Variants in TNFRSF8 observed in about 807,000 individuals in gnomAD.
TNFRSF8 encodes TNF receptor superfamily member 8.
In TNFRSF8, 26 loss-of-function variants were observed where a neutral mutation model predicts 70.8. The observed-to-expected ratio is 0.37, with a 90% confidence interval of 0.27 to 0.51. The LOEUF (loss-of-function observed/expected upper bound fraction) is 0.51. TNFRSF8 is among the 20% of genes least tolerant of loss of function. TNFRSF8 has a pLI of 0.94. For synonymous variants in TNFRSF8, 356 were observed against 339.2 expected (o/e 1.05, Z -0.54); for missense variants, 720 against 807.9 (o/e 0.89, Z 1.32).
In TNFRSF8 at chr1:12,088,008, ATC is replaced by A. The variant is rs1230272498; in HGVS notation, c.151+3462_151+3463del. Among the ~76,000 whole-genome samples, 2 of 151,682 alleles carry A rather than the reference ATC, an allele frequency of 1.3e-5. No individual in the cohort carries two copies. Among genetic ancestry groups the A allele is most frequent in the African/African-American group, 4.8e-5 (2 of 41,268 alleles). On this transcript the variant is annotated intron_variant, in intron 2 of 14. Transcript: ENST00000263932. This position sits in a 1 kb window ranked among gnomAD's most constrained non-coding sequence, Gnocchi z 4.0. The stretch of plus-strand genomic sequence containing the variant: ...AAAACCCACAAAAACCCCTTCTTTG[ATC>A]TCTCGGGGAAATTTCTTGACATTTT...
rs143067825 is a variant in TNFRSF8, at chr1:12,112,026, G to A, written c.793+12G>A. On this transcript the variant is annotated intron_variant, in intron 7 of 14. Transcript: ENST00000263932. This position sits in a 1 kb window ranked among gnomAD's most constrained non-coding sequence, Gnocchi z 5.3. ...GAGCTGTTCTCGAGGTAAGGGCCTC[G>A]TCCCTCCCCGGGCCTCAGTTTACCT... 1.1e-3 allele frequency: 1,835 copies of A among 1,603,878 alleles called. 3 individuals carry two copies. The highest frequency in any genetic ancestry group is 1.4e-3 in the Non-Finnish European group (1,646 of 1,171,284).
chr1:12,140,578 C>A (rs567790783), intron 14 of TNFRSF8, among the ~76,000 whole-genome samples: 1 of 152,168 alleles, frequency 6.6e-6, no homozygotes, highest in Non-Finnish European at 1.5e-5. Context: ...AGAGCCAGAG[C>A]GGGGCAGACC....
chr1:12,080,243 C>T, intron 1 of TNFRSF8: 2 of 519,166 alleles, frequency 3.9e-6, no homozygotes, highest in Non-Finnish European at 7.7e-6. Flanking sequence ...GCCACCGTGC[C>T]CAGCCAAGAT....
rs1642260851 is a variant in TNFRSF8, at chr1:12,141,934, C to T, written c.1544-353C>T. Among the ~76,000 whole-genome samples, 2 of 152,174 alleles carry T rather than the reference C, an allele frequency of 1.3e-5. No individual in the cohort carries two copies. The highest frequency in any genetic ancestry group is 4.1e-4 in the South Asian group (2 of 4,826). On this transcript the variant is annotated intron_variant, in intron 14 of 14. Transcript: ENST00000263932. This position sits in a 1 kb window ranked among gnomAD's most constrained non-coding sequence, Gnocchi z 5.4. The stretch of plus-strand genomic sequence containing the variant: ...CAGGAGTGGGGGTGTGGAAACTGCT[C>T]AGCTCTGCTGTTTCTGCTCGTGCTC...
At chr1:12,115,776 C>T (rs371950593) in intron 8 of TNFRSF8, 47 bp downstream of exon 8, 14 of 1,596,300 alleles carry the variant, frequency 8.8e-6, no homozygotes, top group African/African-American at 4.0e-5. Context: ...GGAGTCTGTG[C>T]CCCCACTGTT....
At chr1:12,097,068 C>T in intron 2 of TNFRSF8, 33 bp from the exon 3 acceptor site, 1 of 1,584,574 alleles carries the variant, frequency 6.3e-7, no homozygotes, top group Non-Finnish European at 8.7e-7. Context: ...GCTAAGTCAG[C>T]CTGGCTTGGA....
chr1:12,126,175 C>G lies in TNFRSF8; in HGVS notation c.1256-8C>G. 1 of 1,614,122 alleles carries G rather than the reference C, an allele frequency of 6.2e-7. No homozygotes were observed. The highest frequency in any genetic ancestry group is 2.2e-5 in the East Asian group (1 of 44,874). On this transcript the variant is annotated splice_region_variant and splice_polypyrimidine_tract_variant and intron_variant, in intron 11 of 14. Transcript: ENST00000263932. ...CCACCCCCAGCCTTCCTCCTGGTGT[C>G]GTTTCAGAGCTCCACCTGTGCTACC... is the stretch of plus-strand genomic sequence containing the variant.
At chr1:12,089,201 GGT>G (rs1171265390) in intron 2 of TNFRSF8, among the ~76,000 whole-genome samples, 2 of 152,164 alleles carry the variant, frequency 1.3e-5, no homozygotes, top group Non-Finnish European at 2.9e-5. Flanking sequence ...TGCCTCCCAT[GGT>G]TCCACTTTCC....
At chr1:12,081,688 C>T (rs1641065612) in intron 1 of TNFRSF8, among the ~76,000 whole-genome samples, 2 of 152,164 alleles carry the variant, frequency 1.3e-5, no homozygotes, top group South Asian at 2.1e-4. Flanking sequence ...TAACCAACAC[C>T]CCATTTATCC....
rs752861617 is a variant in TNFRSF8, at chr1:12,138,320, G to A, written c.1427G>A (p.Gly476Glu). ...CTGATGGAGACCTGCCACAGCGTGG[G>A]GGCAGCCTACCTGGAGAGCCTGCCG... ...QPLMETCHSV[G>E]AAYLESLPLQ... is the part of the protein sequence containing the mutation. Residue 476 changes from glycine (G) to glutamate (E), a missense_variant, in exon 14 of 15, where the codon GGG becomes GAG. Coordinates refer to ENST00000263932, the MANE Select transcript of TNFRSF8 (RefSeq NM_001243.5). The surrounding 1 kb of genome is among the most constrained non-coding windows in gnomAD (Gnocchi z 5.7). The A allele has an allele frequency of 9.3e-6, 15 of 1,613,672 alleles. No individual in the cohort carries two copies. Among genetic ancestry groups the A allele is most frequent in the East Asian group, 2.2e-5 (1 of 44,874 alleles).
At chr1:12,131,651 G>A (rs1163793445) in intron 12 of TNFRSF8, among the ~76,000 whole-genome samples, 1 of 151,954 alleles carries the variant, frequency 6.6e-6, no homozygotes, top group Non-Finnish European at 1.5e-5. Context: ...ACACCACCAC[G>A]CCCAGCTAAC....
Position 12,063,585 on chromosome 1 carries a change from G to C in TNFRSF8, c.-14G>C. The C allele has an allele frequency of 7.6e-7, 1 of 1,311,094 alleles. No individual in the cohort carries two copies. Among genetic ancestry groups the C allele is most frequent in the South Asian group, 2.2e-5 (1 of 46,064 alleles). 81.2% of individuals were successfully genotyped at this position (1,311,094 alleles called of 1,614,324 possible). A position where few individuals can be genotyped will look rare whatever the true frequency, so the allele number is the denominator to read the frequency against. On this transcript the variant is annotated 5_prime_UTR_variant, in exon 1 of 15. Transcript: ENST00000263932. This position sits in a 1 kb window ranked among gnomAD's most constrained non-coding sequence, Gnocchi z 7.2. ...GGCGCCGGCCGCCAGGCCACCTCAC[G>C]TCCGGCCCCGGGGATGCGCGTCCTC...
At chr1:12,089,533 A>T (rs147014672) in intron 2 of TNFRSF8, among the ~76,000 whole-genome samples, 266 of 152,258 alleles carry the variant, frequency 1.7e-3, no homozygotes, top group African/African-American at 5.8e-3. Context: ...AGGAGGAAGT[A>T]TGTGGGCGTG....
At chr1:12,136,519 C>T (rs1303986701) in intron 13 of TNFRSF8, among the ~76,000 whole-genome samples, 1 of 151,996 alleles carries the variant, frequency 6.6e-6, no homozygotes, top group Non-Finnish European at 1.5e-5. Context: ...TGTAGTGGCA[C>T]ACGCCTGTAG....
At chr1:12,102,009 G>A (rs754757636) in intron 3 of TNFRSF8, among the ~76,000 whole-genome samples, 2 of 152,096 alleles carry the variant, frequency 1.3e-5, no homozygotes, top group African/African-American at 2.4e-5. Context: ...CATCATGTAC[G>A]CCATCCATTG....
intron 1 of TNFRSF8, among the ~76,000 whole-genome samples, chr1:12,082,188 CT>C (rs1396716292): frequency 6.6e-6 from 1 of 152,184 alleles, no homozygotes; most frequent in African/African-American, 2.4e-5. Flanking sequence ...CTCTTGAATC[CT>C]TTCTTATGAT....
At chr1:12,115,987 C>T (rs1641721927) in intron 8 of TNFRSF8, among the ~76,000 whole-genome samples, 1 of 152,070 alleles carries the variant, frequency 6.6e-6, no homozygotes, top group Non-Finnish European at 1.5e-5. Context: ...CTGGTAAAAT[C>T]TTTATATTTT....
Position 12,108,670 on chromosome 1 carries a change from G to A in TNFRSF8, c.422-896G>A, listed in dbSNP as rs11569865. ...ACCCTGTCTCTACTAAAAATTAGCC[G>A]GGCGTGGTTGCAGGCACCTGTAATC... On this transcript the variant is annotated intron_variant, in intron 4 of 14. Transcript: ENST00000263932. The surrounding 1 kb of genome is among the most constrained non-coding windows in gnomAD (Gnocchi z 4.0). Among the ~76,000 whole-genome samples the A allele has an allele frequency of 2.5e-3, 374 of 152,178 alleles. 3 individuals carry two copies. Among genetic ancestry groups the A allele is most frequent in the African/African-American group, 8.6e-3 (357 of 41,512 alleles).
chr1:12,108,198 C>A lies in TNFRSF8; in HGVS notation c.422-1368C>A, dbSNP rs1046314945. Among the ~76,000 whole-genome samples the A allele has an allele frequency of 1.3e-5, 2 of 151,874 alleles. No individual in the cohort carries two copies. The highest frequency in any genetic ancestry group is 4.8e-5 in the African/African-American group (2 of 41,352). On this transcript the variant is annotated intron_variant, in intron 4 of 14. Transcript: ENST00000263932. This position sits in a 1 kb window ranked among gnomAD's most constrained non-coding sequence, Gnocchi z 4.0. The stretch of plus-strand genomic sequence containing the variant: ...GATTCAAGTGATTCTCCTGCCTCAG[C>A]CTCCTGAGTAGCTGGGATTACAGGT...
Sources: allele counts gnomAD v4.1 joint callset (sites outside exome capture counted in the v4.1 genomes callset), GRCh38; gene constraint gnomAD v4.1.1; non-coding constraint Gnocchi (gnomAD v3.1); transcripts MANE v1.5; gene names NCBI Gene and HGNC (gene_info 2026-07-23, HGNC 2026-07-21).